The following JAZF1 variants were observed in gnomAD, a reference collection of about 807,000 sequenced individuals.
The protein encoded by JAZF1 is JAZF zinc finger 1, also known as juxtaposed with another zinc finger protein 1.
In JAZF1, 8 loss-of-function variants were observed where a neutral mutation model predicts 26.4. That is an observed-to-expected ratio of 0.30 (90% CI 0.18 to 0.55). The LOEUF is 0.55. Among genes scored for constraint, JAZF1 ranks in the 20% least tolerant of loss-of-function variants. JAZF1 has a pLI of 0.94. For missense variants in JAZF1, 199 were observed against 322.0 expected (o/e 0.62, Z 2.92); for synonymous variants, 126 against 122.3 (o/e 1.03, Z -0.20).
At chr7:27,985,735 C>A (rs1785686069) in intron 2 of JAZF1, among the ~76,000 whole-genome samples, 1 of 152,162 alleles carries the variant, frequency 6.6e-6, no homozygotes, top group Admixed American at 6.5e-5. Context: ...TCCAGCAGCA[C>A]ATCAAAAAGC....
chr7:27,891,182 T>C (rs1783970673), intron 3 of JAZF1, among the ~76,000 whole-genome samples: 1 of 152,226 alleles, frequency 6.6e-6, no homozygotes, highest in Non-Finnish European at 1.5e-5. Flanking sequence ...ATTCCATTTC[T>C]CTATTATGTA....
At chr7:28,088,385 G>C (rs1465757560) in intron 1 of JAZF1, among the ~76,000 whole-genome samples, 1 of 152,130 alleles carries the variant, frequency 6.6e-6, no homozygotes, top group East Asian at 1.9e-4. Context: ...AAGGAAATTA[G>C]GCAATACATT....
chr7:27,971,335 C>T (rs970032569), intron 2 of JAZF1, among the ~76,000 whole-genome samples: 7 of 152,068 alleles, frequency 4.6e-5, no homozygotes, highest in Non-Finnish European at 1.5e-5. Flanking sequence ...AGGATGGGGG[C>T]GCCTTACAGG....
rs902446362 is a variant in JAZF1 at position 27,850,774 on chromosome 7, A to G, written c.386-9907T>C. Among the ~76,000 whole-genome samples the G allele has an allele frequency of 5.3e-5, 8 of 150,578 alleles. No individual in the cohort carries two copies. In the East Asian group the frequency reaches 1.5e-3, roughly 29 times the overall value. The stretch of plus-strand genomic sequence containing the variant: ...CTCATCATGACCTTTTTCTTTATCA[A>G]GGTTTCTTTATCAAGCCATCTTTCA... On this transcript the variant is annotated intron_variant, in intron 3 of 4. Coordinates refer to ENST00000283928, the MANE Select transcript of JAZF1 (RefSeq NM_175061.4).
intron 1 of JAZF1, among the ~76,000 whole-genome samples, chr7:28,055,953 G>A (rs964786990): frequency 5.3e-5 from 8 of 152,146 alleles, no homozygotes; most frequent in African/African-American, 1.9e-4. Flanking sequence ...CTCTTCCTTT[G>A]AATTCTCAGA....
chr7:28,138,166 T>G (rs1198697765), intron 1 of JAZF1, among the ~76,000 whole-genome samples: 3 of 152,230 alleles, frequency 2.0e-5, no homozygotes, highest in Non-Finnish European at 2.9e-5. Context: ...GCTTATGTAT[T>G]TATTACCAGA....
At chr7:28,154,197 C>G (rs1487993946) in intron 1 of JAZF1, among the ~76,000 whole-genome samples, 1 of 152,138 alleles carries the variant, frequency 6.6e-6, no homozygotes, top group African/African-American at 2.4e-5. Flanking sequence ...ATCTGCAAAG[C>G]GCAGATGAGC....
intron 3 of JAZF1, among the ~76,000 whole-genome samples, chr7:27,852,201 A>G (rs898706901): frequency 1.3e-5 from 2 of 149,720 alleles, no homozygotes; most frequent in African/African-American, 2.5e-5. Context: ...GAGCGATCTG[A>G]GCTCACTGCA....
intron 1 of JAZF1, among the ~76,000 whole-genome samples, chr7:28,085,439 A>C (rs1483721883): frequency 6.6e-6 from 1 of 152,226 alleles, no homozygotes; most frequent in Non-Finnish European, 1.5e-5. Flanking sequence ...AAAGTACATA[A>C]AACTTGAAAT....
chr7:28,048,665 G>T (rs1470485837), intron 1 of JAZF1, among the ~76,000 whole-genome samples: 1 of 152,150 alleles, frequency 6.6e-6, no homozygotes, highest in East Asian at 1.9e-4. Flanking sequence ...TTCTTTCACT[G>T]AAGAGTTGTA....
At chr7:28,099,861 T>C (rs79499556) in intron 1 of JAZF1, among the ~76,000 whole-genome samples, 2 of 152,210 alleles carry the variant, frequency 1.3e-5, no homozygotes, top group Non-Finnish European at 2.9e-5. Flanking sequence ...CAAAAAGATA[T>C]GGCCTTTTAG....
intron 2 of JAZF1, among the ~76,000 whole-genome samples, chr7:27,929,831 A>G (rs1255345679): frequency 6.6e-6 from 1 of 152,212 alleles, no homozygotes; most frequent in African/African-American, 2.4e-5. Context: ...GTGGGAAAAA[A>G]GCCTAGAAAG....
intron 3 of JAZF1, among the ~76,000 whole-genome samples, chr7:27,880,635 G>T (rs945187492): frequency 1.3e-5 from 2 of 152,108 alleles, no homozygotes; most frequent in African/African-American, 4.8e-5. Flanking sequence ...CATCTCGGGG[G>T]ATGGTGGGGA....
At chr7:27,891,732 C>T (rs1275038769) in intron 3 of JAZF1, among the ~76,000 whole-genome samples, 9 of 151,972 alleles carry the variant, frequency 5.9e-5, no homozygotes, top group Admixed American at 2.0e-4. Context: ...AGGAGGCTGA[C>T]GTGAGCTACA....
chr7:27,986,474 A>C (rs1785708582), intron 2 of JAZF1, among the ~76,000 whole-genome samples: 1 of 152,260 alleles, frequency 6.6e-6, no homozygotes, highest in Non-Finnish European at 1.5e-5. Context: ...GGACACAAAC[A>C]AATGGAAGAA....
At chr7:27,936,804 C>G (rs1035486083) in intron 2 of JAZF1, among the ~76,000 whole-genome samples, 1 of 152,184 alleles carries the variant, frequency 6.6e-6, no homozygotes, top group Non-Finnish European at 1.5e-5. Context: ...GATTTATTTG[C>G]TGTTGTCAAA....
At chr7:28,167,061 G>A (rs367716317) in intron 1 of JAZF1, among the ~76,000 whole-genome samples, 2 of 152,118 alleles carry the variant, frequency 1.3e-5, no homozygotes, top group South Asian at 2.1e-4. Flanking sequence ...ACATGTGTGG[G>A]GGCTTCCTGA....
intron 2 of JAZF1, among the ~76,000 whole-genome samples, chr7:27,950,989 A>G (rs965400478): frequency 1.3e-5 from 2 of 152,280 alleles, no homozygotes; most frequent in East Asian, 1.9e-4. Context: ...TACAAAATGA[A>G]GCAACTACAT....
intron 3 of JAZF1, among the ~76,000 whole-genome samples, chr7:27,889,402 A>G (rs58826930): frequency 0.015 from 2,294 of 152,320 alleles, 61 homozygotes; most frequent in African/African-American, 0.052. Context: ...GGCCTTTGCT[A>G]TAGGATGATC....
Sources: gnomAD v4.1 joint callset for allele counts (sites outside exome capture counted in the v4.1 genomes callset) on GRCh38, gnomAD v4.1.1 for gene constraint, MANE v1.5 for transcripts, NCBI Gene and HGNC (gene_info 2026-07-23, HGNC 2026-07-21) for gene names.